The following LGALS8 variants were observed in gnomAD, a reference collection of about 807,000 sequenced individuals.
The protein encoded by LGALS8 is galectin-8.
Under a neutral mutation model 35.9 loss-of-function variants are expected in LGALS8, and 30 were observed. That is an observed-to-expected ratio of 0.83 (90% CI 0.62 to 1.13). The LOEUF is 1.13. LGALS8 is among the 50% of genes most tolerant of loss of function. The pLI is 0.00. For missense variants in LGALS8, 366 were observed against 388.7 expected (o/e 0.94, Z 0.49); for synonymous variants, 138 against 136.1 (o/e 1.01, Z -0.10).
intron 7 of LGALS8, chr1:236,543,173 CGA>C (rs1309035318): frequency 5.2e-6 from 4 of 770,630 alleles, no homozygotes; most frequent in African/African-American, 1.7e-5. Flanking sequence ...TGGACGGATT[CGA>C]GAGTCAACCA....
intron 1 of LGALS8, among the ~76,000 whole-genome samples, chr1:236,525,072 T>TA (rs1203018745): frequency 6.6e-6 from 1 of 152,190 alleles, no homozygotes; most frequent in Non-Finnish European, 1.5e-5. Context: ...GCTTTTATCT[T>TA]AAAAAATGTG....
Position 236,526,322 on chromosome 1 carries a change from A to T in LGALS8, c.45+207A>T, listed in dbSNP as rs937643764. 4 of 430,494 alleles carry T rather than the reference A, an allele frequency of 9.3e-6. No homozygotes were observed. Among genetic ancestry groups the T allele is most frequent in the Non-Finnish European group, 1.7e-5 (4 of 240,566 alleles). 26.7% of individuals were successfully genotyped at this position (430,494 alleles called of 1,614,324 possible). ...GAAGTCACAATGATAATATGACGTG[A>T]TGAAACAGTGTTATGAACAGGGAAC... On this transcript the variant is annotated intron_variant, in intron 2 of 9. Coordinates refer to ENST00000366584, the MANE Select transcript of LGALS8 (RefSeq NM_201544.4). This position sits in a 1 kb window ranked among gnomAD's most constrained non-coding sequence, Gnocchi z 4.6.
upstream of LGALS8, among the ~76,000 whole-genome samples, chr1:236,522,272 A>G (rs1213251333): frequency 7.2e-5 from 11 of 152,166 alleles, no homozygotes; most frequent in Non-Finnish European, 1.5e-4. Context: ...ATTTATGTGT[A>G]CTTATTTCAA....
upstream of LGALS8, among the ~76,000 whole-genome samples, chr1:236,522,232 C>A (rs918268725): frequency 6.6e-6 from 1 of 152,146 alleles, no homozygotes; most frequent in African/African-American, 2.4e-5. Context: ...CCCGTTTGCA[C>A]CTAAATATGA....
At chr1:236,541,571 A>G (rs907470056) in intron 5 of LGALS8, 83 bp from the exon 6 acceptor site, 7 of 669,168 alleles carry the variant, frequency 1.0e-5, no homozygotes, top group Non-Finnish European at 1.7e-5. Context: ...TACCATTTAT[A>G]ATTTTTTTAT....
At chr1:236,546,873 A>G (rs1429643475) in intron 9 of LGALS8, among the ~76,000 whole-genome samples, 2 of 152,338 alleles carry the variant, frequency 1.3e-5, no homozygotes, top group South Asian at 2.1e-4. Flanking sequence ...TTGTGGGGAT[A>G]GAATCTCAGG....
rs1351481366 is a variant in LGALS8 at position 236,524,180 on chromosome 1, A to G, written c.-104+119A>G. 1.1e-5 allele frequency: 5 copies of G among 456,526 alleles called. No individual in the cohort carries two copies. In the East Asian group the frequency reaches 3.5e-4, roughly 32 times the overall value. The allele number at this position is 456,526 out of a possible 1,614,324, so 28.3% of individuals were successfully genotyped here. On this transcript the variant is annotated intron_variant, in intron 1 of 9. Coordinates refer to ENST00000366584, the MANE Select transcript of LGALS8 (RefSeq NM_201544.4). The stretch of plus-strand genomic sequence containing the variant: ...GTCACGGCTCCTAAATCACCATTTG[A>G]TGGGTGGGACAGTGTCCAGTCCACC...
intron 2 of LGALS8, among the ~76,000 whole-genome samples, chr1:236,527,024 T>C (rs968997305): frequency 1.3e-5 from 2 of 152,182 alleles, no homozygotes; most frequent in African/African-American, 4.8e-5. Flanking sequence ...AAAGATGACT[T>C]CCTGAAGCGG....
chr1:236,533,240 CAT>C (rs1236049952), intron 2 of LGALS8, among the ~76,000 whole-genome samples: 1 of 152,182 alleles, frequency 6.6e-6, no homozygotes, highest in African/African-American at 2.4e-5. Flanking sequence ...CAACTGAAAT[CAT>C]ATCTTCTTCA....
At chr1:236,529,622 GTT>G (rs11316979) in intron 2 of LGALS8, among the ~76,000 whole-genome samples, 45 of 114,742 alleles carry the variant, frequency 3.9e-4, no homozygotes, top group South Asian at 2.7e-4. Context: ...TTCCTTTTCT[GTT>G]TTTTTTTTTT....
intron 2 of LGALS8, among the ~76,000 whole-genome samples, chr1:236,530,516 G>T (rs2794788): frequency 6.6e-6 from 1 of 151,882 alleles, no homozygotes; most frequent in Non-Finnish European, 1.5e-5. Flanking sequence ...ATCACTCATA[G>T]ATTTTTTTTT....
At chr1:236,537,013 T>C (rs2103086699) in intron 2 of LGALS8, among the ~76,000 whole-genome samples, 1 of 116,572 alleles carries the variant, frequency 8.6e-6, no homozygotes, top group Non-Finnish European at 1.8e-5. Context: ...CCATGAGGTA[T>C]GCAGTTCCTT....
At chr1:236,544,105 C>T (rs1228740335) in intron 8 of LGALS8, among the ~76,000 whole-genome samples, 1 of 152,096 alleles carries the variant, frequency 6.6e-6, no homozygotes, top group Non-Finnish European at 1.5e-5. Context: ...CCACCACGCC[C>T]AGCTACTTTT....
In LGALS8 at chr1:236,550,686, C is replaced by A; in HGVS notation, c.*2525C>A. On this transcript the variant is annotated 3_prime_UTR_variant, in exon 10 of 10. Coordinates refer to ENST00000366584, the MANE Select transcript of LGALS8 (RefSeq NM_201544.4). ...CAGTCTGTATAAAAATACCGTGTAT[C>A]ATTTACTCTTTCTGCAGCTCTATAC... 1 of 465,220 alleles carries A rather than the reference C, an allele frequency of 2.1e-6. No individual in the cohort carries two copies. The allele number at this position is 465,220 out of a possible 1,614,324, so 28.8% of individuals were successfully genotyped here. A position where few individuals can be genotyped will look rare whatever the true frequency, so the allele number is the denominator to read the frequency against.
At position 236,544,630 on chromosome 1, in the gene LGALS8, T is replaced by A. The variant is rs535014111; in HGVS notation, c.639-120T>A. 8.4e-5 allele frequency: 54 copies of A among 639,656 alleles called. No homozygotes were observed. The African/African-American group carries it at 9.2e-4, about 11-fold the overall frequency. The allele number at this position is 639,656 out of a possible 1,614,324, so 39.6% of individuals were successfully genotyped here. A position where few individuals can be genotyped will look rare whatever the true frequency, so the allele number is the denominator to read the frequency against. ...ACCTGCATTCCCATGTCCATGTGGA[T>A]ACGTGTGTTTCATAGAGTTAGAATC... On this transcript the variant is annotated intron_variant, in intron 8 of 9. Transcript: ENST00000366584.
At chr1:236,547,013 T>TATCA (rs3047491) in intron 9 of LGALS8, among the ~76,000 whole-genome samples, 92,054 of 151,794 alleles carry the variant, frequency 0.61, 28,873 homozygotes, top group Non-Finnish European at 0.69. Flanking sequence ...CCACTGCTCC[T>TATCA]ATCAAAAGAA....
At chr1:236,545,033 GT>G in intron 9 of LGALS8, 118 bp downstream of exon 9, 1 of 766,504 alleles carries the variant, frequency 1.3e-6, no homozygotes, top group Non-Finnish European at 2.0e-6. Context: ...TATGTTTTTT[GT>G]TTACTTGGAG....
At chr1:236,532,608 G>C (rs992177588) in intron 2 of LGALS8, among the ~76,000 whole-genome samples, 1 of 152,144 alleles carries the variant, frequency 6.6e-6, no homozygotes, top group African/African-American at 2.4e-5. Flanking sequence ...TTGGGAGGCC[G>C]AGGTGGGTGG....
At chr1:236,537,205 CG>C (rs1193706788) in intron 2 of LGALS8, among the ~76,000 whole-genome samples, 3 of 151,708 alleles carry the variant, frequency 2.0e-5, no homozygotes, top group South Asian at 2.1e-4. Context: ...TTAGTAGAGA[CG>C]GGGTTTCACC....
Sources: allele counts gnomAD v4.1 joint callset (sites outside exome capture counted in the v4.1 genomes callset), GRCh38; gene constraint gnomAD v4.1.1; non-coding constraint Gnocchi (gnomAD v3.1); transcripts MANE v1.5; gene names NCBI Gene and HGNC (gene_info 2026-07-23, HGNC 2026-07-21).